Variants in NELL1 observed in about 807,000 individuals in gnomAD.
The protein encoded by NELL1 is neural EGFL like 1.
A neutral mutation model predicts 107.4 loss-of-function variants in NELL1; 76 were observed. The observed-to-expected ratio is 0.71, with a 90% CI of 0.59 to 0.86. The LOEUF is 0.86. Ranked by LOEUF, NELL1 falls within the 40% of genes least tolerant of loss-of-function variation. The pLI is 0.00. For synonymous variants in NELL1, 353 were observed against 341.2 expected (o/e 1.03, Z -0.38); for missense variants, 1,024 against 1,005.5 (o/e 1.02, Z -0.25).
At chr11:20,991,497 T>C (rs1276078467) in intron 12 of NELL1, among the ~76,000 whole-genome samples, 1 of 152,218 alleles carries the variant, frequency 6.6e-6, no homozygotes. Flanking sequence ...CATAGGCAAG[T>C]CACATGCTCA....
intron 13 of NELL1, among the ~76,000 whole-genome samples, chr11:21,184,796 G>A (rs1208148869): frequency 6.6e-6 from 1 of 151,690 alleles, no homozygotes; most frequent in Non-Finnish European, 1.5e-5. Context: ...GTAGATTTTT[G>A]CCTTAAGTTC....
intron 2 of NELL1, among the ~76,000 whole-genome samples, chr11:20,771,763 G>GCCAC (rs1856645654): frequency 6.6e-6 from 1 of 152,094 alleles, no homozygotes; most frequent in Non-Finnish European, 1.5e-5. Context: ...GCTTCTGTGT[G>GCCAC]CCACAACTGT....
intron 14 of NELL1, among the ~76,000 whole-genome samples, chr11:21,230,975 T>A (rs1230418657): frequency 6.6e-6 from 1 of 152,162 alleles, no homozygotes; most frequent in Admixed American, 6.5e-5. Context: ...TTATATTCAC[T>A]GAAAACTGGA....
chr11:21,394,430 A>G (rs574268400), intron 15 of NELL1, among the ~76,000 whole-genome samples: 6 of 151,460 alleles, frequency 4.0e-5, no homozygotes, highest in Non-Finnish European at 5.9e-5. Context: ...ATATAGCCCT[A>G]TATATGTGTG....
chr11:20,748,372 T>A (rs887939438), intron 2 of NELL1, among the ~76,000 whole-genome samples: 2 of 152,228 alleles, frequency 1.3e-5, no homozygotes, highest in African/African-American at 4.8e-5. Context: ...TGCAAGTAAC[T>A]GCCAACACTC....
chr11:20,886,255 T>A (rs76581281), intron 5 of NELL1, among the ~76,000 whole-genome samples: 1,870 of 152,106 alleles, frequency 0.012, 40 homozygotes, highest in African/African-American at 0.043. Context: ...CATCCAAAAT[T>A]TTTTTTAAAA....
At chr11:21,067,425 T>C (rs569345672) in intron 12 of NELL1, among the ~76,000 whole-genome samples, 34 of 152,274 alleles carry the variant, frequency 2.2e-4, no homozygotes, top group South Asian at 4.1e-4. Flanking sequence ...GTCTGGGATG[T>C]AACACTACTG....
intron 2 of NELL1, among the ~76,000 whole-genome samples, chr11:20,732,570 G>A (rs1341329632): frequency 6.6e-6 from 1 of 152,122 alleles, no homozygotes; most frequent in Non-Finnish European, 1.5e-5. Context: ...GATCATTTGG[G>A]GCTGGCAGGA....
intron 12 of NELL1, among the ~76,000 whole-genome samples, chr11:21,042,292 A>G (rs1853255039): frequency 6.6e-6 from 1 of 152,176 alleles, no homozygotes; most frequent in Admixed American, 6.6e-5. Context: ...GTTGTATGGG[A>G]TTCATAGATC....
intron 14 of NELL1, among the ~76,000 whole-genome samples, chr11:21,300,327 G>T (rs546813079): frequency 6.6e-6 from 1 of 151,966 alleles, no homozygotes; most frequent in Non-Finnish European, 1.5e-5. Context: ...GAATATTACA[G>T]AGGAGAAGGA....
At chr11:21,201,388 A>G (rs892951238) in intron 13 of NELL1, among the ~76,000 whole-genome samples, 5 of 152,118 alleles carry the variant, frequency 3.3e-5, no homozygotes, top group African/African-American at 1.2e-4. Context: ...TTCTCTTTCT[A>G]GCAATTGTGA....
intron 2 of NELL1, among the ~76,000 whole-genome samples, chr11:20,742,844 A>T (rs891216790): frequency 2.0e-4 from 30 of 151,942 alleles, no homozygotes; most frequent in Non-Finnish European, 4.4e-5. Flanking sequence ...GATATCCCTA[A>T]CCCATAGCAG....
At chr11:21,049,747 A>G (rs10430904) in intron 12 of NELL1, among the ~76,000 whole-genome samples, 146,121 of 151,912 alleles carry the variant, frequency 0.96, 70,497 homozygotes, top group East Asian at 1. Context: ...GCATCATCTC[A>G]GCTCCCTGCA....
intron 13 of NELL1, among the ~76,000 whole-genome samples, chr11:21,213,973 T>A (rs573646471): frequency 2.6e-5 from 4 of 152,278 alleles, no homozygotes; most frequent in African/African-American, 9.6e-5. Context: ...AAATGATTAA[T>A]TCATTGTCAT....
chr11:21,070,729 A>G (rs544218456), intron 12 of NELL1, among the ~76,000 whole-genome samples: 1 of 152,258 alleles, frequency 6.6e-6, no homozygotes, highest in East Asian at 1.9e-4. Context: ...TCAATAGTTC[A>G]TGATGAGTTG....
In NELL1 at chr11:21,170,705, T is replaced by TTATA. The variant is rs71063689; in HGVS notation, c.1426+57003_1426+57006dup. Among the ~76,000 whole-genome samples, 77 of 96,896 alleles carry TTATA rather than the reference T, an allele frequency of 7.9e-4. 1 individual carries two copies. The highest frequency in any genetic ancestry group is 3.1e-3 in the South Asian group (12 of 3,820). 63.6% of individuals were successfully genotyped at this position (96,896 alleles called of 152,430 possible). On this transcript the variant is annotated intron_variant, in intron 13 of 19. Transcript: ENST00000357134. Reference sequence around the variant, plus strand: ...TACTGTAGTTTATATATATACTGTATTATATATATATATATCTGTCACTCT... The same window carrying TTATA: ...TACTGTAGTTTATATATATACTGTATTATATATATATATATATATCTGTCACTCT...
intron 14 of NELL1, among the ~76,000 whole-genome samples, chr11:21,308,040 T>G (rs1280101978): frequency 6.6e-6 from 1 of 152,028 alleles, no homozygotes; most frequent in Non-Finnish European, 1.5e-5. Flanking sequence ...GCCTGACTCA[T>G]GTGGAATCAC....
intron 12 of NELL1, among the ~76,000 whole-genome samples, chr11:21,035,870 G>A (rs925127506): frequency 1.3e-5 from 2 of 152,118 alleles, no homozygotes; most frequent in African/African-American, 4.8e-5. Context: ...ACATAGTATT[G>A]GAAGTCTTGG....
chr11:21,413,029 T>G (rs1313179735), intron 15 of NELL1, among the ~76,000 whole-genome samples: 1 of 152,108 alleles, frequency 6.6e-6, no homozygotes, highest in Non-Finnish European at 1.5e-5. Flanking sequence ...GTGTTAGGTA[T>G]TCCAACACTT....
Sources: gnomAD v4.1 joint callset for allele counts (sites outside exome capture counted in the v4.1 genomes callset) on GRCh38, gnomAD v4.1.1 for gene constraint, MANE v1.5 for transcripts, NCBI Gene and HGNC (gene_info 2026-07-23, HGNC 2026-07-21) for gene names.